TMEM132D: variants seen among roughly 807,000 people sequenced by gnomAD.
TMEM132D encodes transmembrane protein 132D, also known as mature OL transmembrane protein.
TMEM132D carries 21 observed loss-of-function variants against 62.3 expected under a neutral mutation model. The ratio of observed to expected loss-of-function variants is 0.34; its 90% CI spans 0.24 to 0.49. TMEM132D has a LOEUF of 0.49. Among genes scored for constraint, TMEM132D ranks in the 20% least tolerant of loss-of-function variants. The probability of loss-of-function intolerance (pLI) is 0.99; values close to 1 mark genes in which losing one functional copy is unlikely to be tolerated. For missense variants in TMEM132D, 1,346 were observed against 1,402.8 expected (o/e 0.96, Z 0.65); for synonymous variants, 621 against 575.6 (o/e 1.08, Z -1.13).
intron 3 of TMEM132D, among the ~76,000 whole-genome samples, chr12:129,521,101 C>G (rs1875836298): frequency 6.6e-6 from 1 of 152,128 alleles, no homozygotes; most frequent in South Asian, 2.1e-4. Context: ...GAATTTGATC[C>G]TGATACAATT....
chr12:129,274,839 A>T (rs896351021), intron 4 of TMEM132D, among the ~76,000 whole-genome samples: 5 of 152,268 alleles, frequency 3.3e-5, no homozygotes, highest in Non-Finnish European at 5.9e-5. Flanking sequence ...GTGAGCCGAG[A>T]TAGCGCCACT....
chr12:129,824,897 C>T (rs888376817), intron 1 of TMEM132D, among the ~76,000 whole-genome samples: 1 of 152,234 alleles, frequency 6.6e-6, no homozygotes, highest in Non-Finnish European at 1.5e-5. Context: ...AGAGAGCAGG[C>T]GAGAGAGCTC....
chr12:129,082,570 G>T (rs113638218), intron 6 of TMEM132D, among the ~76,000 whole-genome samples: 1 of 152,106 alleles, frequency 6.6e-6, no homozygotes, highest in African/African-American at 2.4e-5. Flanking sequence ...GCCAGCAACC[G>T]CACGAGTGAG....
At chr12:129,150,361 T>C (rs1364333862) in intron 5 of TMEM132D, among the ~76,000 whole-genome samples, 1 of 152,232 alleles carries the variant, frequency 6.6e-6, no homozygotes, top group Non-Finnish European at 1.5e-5. Flanking sequence ...CTGGGGACTC[T>C]GTTATGCCAG....
At chr12:129,137,310 CCAT>C (rs1219878566) in intron 5 of TMEM132D, among the ~76,000 whole-genome samples, 1 of 152,016 alleles carries the variant, frequency 6.6e-6, no homozygotes, top group Non-Finnish European at 1.5e-5. Flanking sequence ...ATCACCATCA[CCAT>C]CATCATCATC....
chr12:129,459,776 T>C (rs1873598667), intron 3 of TMEM132D, among the ~76,000 whole-genome samples: 1 of 152,200 alleles, frequency 6.6e-6, no homozygotes, highest in Non-Finnish European at 1.5e-5. Flanking sequence ...AATATTCAGT[T>C]AAGTTGCATT....
chr12:129,654,813 A>G (rs562024415), intron 2 of TMEM132D, among the ~76,000 whole-genome samples: 1 of 152,348 alleles, frequency 6.6e-6, no homozygotes, highest in East Asian at 1.9e-4. Flanking sequence ...AAAATTGTGT[A>G]TATCTGACAG....
At chr12:129,588,620 G>C (rs1878096911) in intron 2 of TMEM132D, among the ~76,000 whole-genome samples, 3 of 151,690 alleles carry the variant, frequency 2.0e-5, no homozygotes, top group Non-Finnish European at 4.4e-5. Context: ...TGCCACCCAG[G>C]CTGGAGTGCA....
intron 6 of TMEM132D, 57 bp from the exon 7 acceptor site, chr12:129,082,089 C>T (rs887294757): frequency 2.1e-5 from 32 of 1,539,504 alleles, no homozygotes; most frequent in Non-Finnish European, 2.6e-5. Context: ...CTGTAAGGGG[C>T]CGTGTGTGGA....
intron 5 of TMEM132D, among the ~76,000 whole-genome samples, chr12:129,167,660 C>T (rs78235507): frequency 0.036 from 5,494 of 151,876 alleles, 343 homozygotes; most frequent in African/African-American, 0.13. Context: ...TTAACACATA[C>T]CTTCTGACAC....
chr12:129,455,980 C>G (rs181474191), intron 3 of TMEM132D, among the ~76,000 whole-genome samples: 1 of 152,200 alleles, frequency 6.6e-6, no homozygotes, highest in Admixed American at 6.5e-5. Context: ...ATTTAAGTGG[C>G]TATTGCAATA....
At chr12:129,484,095 G>A (rs1213323727) in intron 3 of TMEM132D, among the ~76,000 whole-genome samples, 1 of 152,028 alleles carries the variant, frequency 6.6e-6, no homozygotes, top group Non-Finnish European at 1.5e-5. Flanking sequence ...TCAGCCTCCT[G>A]AGTAGCTGGG....
At chr12:129,212,886 C>A (rs1879095872) in intron 4 of TMEM132D, among the ~76,000 whole-genome samples, 2 of 152,140 alleles carry the variant, frequency 1.3e-5, no homozygotes, top group South Asian at 4.1e-4. Context: ...TTCCTGGGGG[C>A]TCACTGTCAT....
At chr12:129,794,165 A>G (rs1314486422) in intron 1 of TMEM132D, among the ~76,000 whole-genome samples, 1 of 150,798 alleles carries the variant, frequency 6.6e-6, no homozygotes, top group Non-Finnish European at 1.5e-5. Flanking sequence ...CTCGGCTCAC[A>G]GCAACCTCCA....
At chr12:129,255,523 G>A (rs571898517) in intron 4 of TMEM132D, among the ~76,000 whole-genome samples, 3 of 152,304 alleles carry the variant, frequency 2.0e-5, no homozygotes, top group African/African-American at 7.2e-5. Flanking sequence ...AAGATGGCCA[G>A]TTGAATTTCA....
At chr12:129,612,088 A>G (rs4759589) in intron 2 of TMEM132D, among the ~76,000 whole-genome samples, 22,908 of 152,182 alleles carry the variant, frequency 0.15, 1,828 homozygotes, top group Middle Eastern at 0.24. Context: ...AGGACAGAAG[A>G]AGGAAGATGC....
At chr12:129,412,156 T>TAA (rs147163846) in intron 3 of TMEM132D, among the ~76,000 whole-genome samples, 198 of 149,710 alleles carry the variant, frequency 1.3e-3, no homozygotes, top group African/African-American at 4.4e-3. Context: ...CAAATTTATT[T>TAA]AAAAAAAAAA....
chr12:129,575,041 G>A (rs1348448706), intron 2 of TMEM132D, among the ~76,000 whole-genome samples: 1 of 151,612 alleles, frequency 6.6e-6, no homozygotes. Flanking sequence ...GATCTGCTTG[G>A]CGCTACATAT....
intron 2 of TMEM132D, among the ~76,000 whole-genome samples, chr12:129,565,816 T>C (rs774186457): frequency 6.6e-6 from 1 of 152,202 alleles, no homozygotes; most frequent in Non-Finnish European, 1.5e-5. Flanking sequence ...TCGAATTCTT[T>C]CTCCTAAGAA....
Sources: gnomAD v4.1 joint callset for allele counts (sites outside exome capture counted in the v4.1 genomes callset) on GRCh38, gnomAD v4.1.1 for gene constraint, MANE v1.5 for transcripts, NCBI Gene and HGNC (gene_info 2026-07-23, HGNC 2026-07-21) for gene names.